LINGO2: variants seen among roughly 807,000 people sequenced by gnomAD.
LINGO2 encodes the protein leucine rich repeat and Ig domain containing 2.
LINGO2 carries 14 observed loss-of-function variants against 30.6 expected under a neutral mutation model. The observed-to-expected ratio is 0.46, with a 90% confidence interval of 0.30 to 0.72. The LOEUF is 0.72. Among genes scored for constraint, LINGO2 ranks in the 30% least tolerant of loss-of-function variants. The pLI, the probability that LINGO2 is intolerant of heterozygous loss-of-function variation, is 0.07. For missense variants in LINGO2, 729 were observed against 751.7 expected (o/e 0.97, Z 0.35); for synonymous variants, 317 against 288.5 (o/e 1.10, Z -1.00).
chr9:28,361,985 A>G (rs1339866496), intron 3 of LINGO2, among the ~76,000 whole-genome samples: 1 of 152,170 alleles, frequency 6.6e-6, no homozygotes, highest in Non-Finnish European at 1.5e-5. Context: ...TGCACCACAT[A>G]GGCCATTGTT....
At chr9:28,665,029 A>G (rs1434366426) in intron 1 of LINGO2, among the ~76,000 whole-genome samples, 3 of 134,346 alleles carry the variant, frequency 2.2e-5, no homozygotes, top group Non-Finnish European at 4.8e-5. Flanking sequence ...ATATATATAT[A>G]TATATATATG....
rs562282658 is a variant in LINGO2, at chr9:28,564,055, T to C, written c.-364-88030A>G. 9.9e-5 allele frequency among the ~76,000 whole-genome samples: 15 copies of C among 152,258 alleles called. No individual in the cohort carries two copies. In the South Asian group the frequency reaches 3.1e-3, roughly 32 times the overall value. On this transcript the variant is annotated intron_variant, in intron 1 of 5. Transcript: ENST00000379992. ...TAAATCAATTACAATGACAAATAGA[T>C]GCTTTATGAGACCATGACTATTCAG...
chr9:28,195,171 T>A (rs909418884), intron 4 of LINGO2, among the ~76,000 whole-genome samples: 2 of 151,974 alleles, frequency 1.3e-5, no homozygotes, highest in African/African-American at 4.8e-5. Flanking sequence ...ATTTAGACAG[T>A]AACAGTGGAC....
chr9:28,149,239 A>G (rs1326289168), intron 4 of LINGO2: 6 of 844,440 alleles, frequency 7.1e-6, no homozygotes, highest in Non-Finnish European at 1.8e-6. Context: ...GCCTGTAATC[A>G]AGCACTTTGG....
upstream of LINGO2, among the ~76,000 whole-genome samples, chr9:28,673,835 C>T (rs899991191): frequency 2.0e-5 from 3 of 151,832 alleles, no homozygotes; most frequent in Admixed American, 6.6e-5. Context: ...ATACTTTAAT[C>T]GACACAATTC....
At chr9:28,049,347 T>C (rs1824565817) in intron 4 of LINGO2, among the ~76,000 whole-genome samples, 1 of 150,836 alleles carries the variant, frequency 6.6e-6, no homozygotes, top group Non-Finnish European at 1.5e-5. Flanking sequence ...CGTACAGTAC[T>C]AGGGTTAGGC....
rs1370740534 is a variant in LINGO2 at position 28,233,056 on chromosome 9, AT to A, written c.-87+62151del. ...TATATATATATATATATATATATAT[AT>A]ATATTAGATATATAATAGATATACA... On this transcript the variant is annotated intron_variant, in intron 4 of 5. Transcript: ENST00000379992. Among the ~76,000 whole-genome samples, 6 of 123,812 alleles carry A rather than the reference AT, an allele frequency of 4.8e-5. 1 individual carries two copies. The highest frequency in any genetic ancestry group is 1.0e-4 in the African/African-American group (3 of 29,886). 81.2% of individuals were successfully genotyped at this position (123,812 alleles called of 152,430 possible). A position where few individuals can be genotyped will look rare whatever the true frequency, so the allele number is the denominator to read the frequency against.
At chr9:28,153,762 T>C (rs572645473) in intron 4 of LINGO2, among the ~76,000 whole-genome samples, 12 of 152,324 alleles carry the variant, frequency 7.9e-5, no homozygotes, top group Admixed American at 2.0e-4. Context: ...AGCTATGCTA[T>C]TTGGTGTTAC....
chr9:28,048,687 CA>C (rs1824533384), intron 4 of LINGO2, among the ~76,000 whole-genome samples: 1 of 150,198 alleles, frequency 6.7e-6, no homozygotes, highest in South Asian at 2.1e-4. Context: ...TCTACGATGC[CA>C]AAAGGCTGAA....
chr9:28,551,745 A>G (rs1299927461), intron 1 of LINGO2, among the ~76,000 whole-genome samples: 1 of 152,054 alleles, frequency 6.6e-6, no homozygotes. Context: ...GATGATTTAG[A>G]CACTGTATAT....
chr9:29,149,088 T>C, the LINGO2 span, among the ~76,000 whole-genome samples: 1 of 152,146 alleles, frequency 6.6e-6, no homozygotes, highest in Non-Finnish European at 1.5e-5. Context: ...CTCAGAGAAT[T>C]AATAGAGTCA....
At chr9:28,662,773 T>C (rs186998805) in intron 1 of LINGO2, among the ~76,000 whole-genome samples, 18 of 152,288 alleles carry the variant, frequency 1.2e-4, no homozygotes, top group Non-Finnish European at 2.4e-4. Flanking sequence ...GCAAGTGTTA[T>C]AAAAGTTGCT....
At chr9:28,912,557 G>C in the LINGO2 span, among the ~76,000 whole-genome samples, 1 of 152,210 alleles carries the variant, frequency 6.6e-6, no homozygotes, top group East Asian at 1.9e-4. Flanking sequence ...AACAGATAAA[G>C]TGGAAATCTA....
the LINGO2 span, among the ~76,000 whole-genome samples, chr9:28,767,075 G>C: frequency 6.6e-6 from 1 of 151,324 alleles, no homozygotes; most frequent in African/African-American, 2.5e-5. Flanking sequence ...TGGTTACCAG[G>C]TGTGGGGGAA....
chr9:29,160,630 A>C, the LINGO2 span, among the ~76,000 whole-genome samples: 1 of 152,220 alleles, frequency 6.6e-6, no homozygotes, highest in Admixed American at 6.5e-5. Flanking sequence ...TTGCAGAAGA[A>C]GTTATAAAGT....
chr9:28,327,586 A>G (rs1194480143), intron 3 of LINGO2, among the ~76,000 whole-genome samples: 1 of 152,200 alleles, frequency 6.6e-6, no homozygotes, highest in African/African-American at 2.4e-5. Flanking sequence ...TTCCCTTTAC[A>G]GTCAAACTGG....
chr9:27,976,372 G>T (rs1413507967), intron 5 of LINGO2, among the ~76,000 whole-genome samples: 1 of 152,030 alleles, frequency 6.6e-6, no homozygotes, highest in African/African-American at 2.4e-5. Context: ...GAACTCCTGT[G>T]TTCTAAAAGT....
At chr9:29,168,598 T>C in the LINGO2 span, among the ~76,000 whole-genome samples, 2 of 152,232 alleles carry the variant, frequency 1.3e-5, no homozygotes, top group Admixed American at 6.5e-5. Context: ...ATCCACCATC[T>C]GCATTTTCTC....
At chr9:28,497,305 A>G (rs976168993) in intron 1 of LINGO2, among the ~76,000 whole-genome samples, 43 of 152,252 alleles carry the variant, frequency 2.8e-4, no homozygotes, top group African/African-American at 9.6e-4. Context: ...CCAATCAGAC[A>G]CAGATTTGGT....
Sources: allele counts gnomAD v4.1 joint callset (sites outside exome capture counted in the v4.1 genomes callset), GRCh38; gene constraint gnomAD v4.1.1; transcripts MANE v1.5; gene names NCBI Gene and HGNC (gene_info 2026-07-23, HGNC 2026-07-21).